The following KRABD4 variants were observed in gnomAD, a reference collection of about 807,000 sequenced individuals.
KRABD4 encodes the protein KRAB domain containing 4.
chrX:46,466,839 T>A, the KRABD4 span, among the ~76,000 whole-genome samples: 1 of 112,380 alleles, frequency 8.9e-6, no homozygotes, highest in African/African-American at 3.2e-5. Flanking sequence ...AATATATAGC[T>A]GTGTAACTAC....
the KRABD4 span, among the ~76,000 whole-genome samples, chrX:46,451,261 G>T: frequency 2.7e-5 from 3 of 111,929 alleles, no homozygotes; most frequent in Non-Finnish European, 5.6e-5. Context: ...TAACAGTTGG[G>T]TTAAATGGTG....
chrX:46,462,278 A>G, the KRABD4 span, among the ~76,000 whole-genome samples: 1 of 111,501 alleles, frequency 9.0e-6, no homozygotes, highest in Non-Finnish European at 1.9e-5. Context: ...TTGGAAGGCT[A>G]AGGCGGGCAG....
At chrX:46,463,474 A>C in the KRABD4 span, 3 of 515,673 alleles carry the variant, frequency 5.8e-6, no homozygotes, top group South Asian at 7.9e-5. Flanking sequence ...CGCCGGTTAC[A>C]GTCTCTGTGT....
chrX:46,465,705 T>C, the KRABD4 span, among the ~76,000 whole-genome samples: 1 of 111,788 alleles, frequency 8.9e-6, no homozygotes, highest in Non-Finnish European at 1.9e-5. Context: ...CTCTAGAAAT[T>C]GTTTCAGAAA....
chrX:46,463,093 A>T, the KRABD4 span: 1 of 966,250 alleles, frequency 1.0e-6, no homozygotes, highest in Non-Finnish European at 1.4e-6. Context: ...TGAGGGGCAG[A>T]TAGCTGTGTG....
the KRABD4 span, chrX:46,472,779 C>A: frequency 1.7e-6 from 2 of 1,210,872 alleles, no homozygotes; most frequent in Non-Finnish European, 2.2e-6. Flanking sequence ...GCAGATAGAT[C>A]ACTACAAGGA....
chrX:46,456,135 A>G, the KRABD4 span: 1 of 271,853 alleles, frequency 3.7e-6, no homozygotes, highest in East Asian at 9.6e-5. Context: ...TTCAGGGGGT[A>G]GTTTTTCAGC....
chrX:46,469,343 C>A, the KRABD4 span, among the ~76,000 whole-genome samples: 135 of 112,165 alleles, frequency 1.2e-3, no homozygotes, highest in Non-Finnish European at 2.0e-3. Flanking sequence ...TATTTCAGTT[C>A]TTTTAAATTT....
the KRABD4 span, chrX:46,473,031 GA>G: frequency 8.3e-7 from 1 of 1,208,719 alleles, no homozygotes; most frequent in African/African-American, 1.8e-5. Context: ...AAGCATATTG[GA>G]AAGTATGCTT....
chrX:46,458,938 C>T, the KRABD4 span, among the ~76,000 whole-genome samples: 1 of 111,555 alleles, frequency 9.0e-6, no homozygotes, highest in African/African-American at 3.3e-5. Flanking sequence ...TACTCTGGAA[C>T]TGTTATGATA....
the KRABD4 span, among the ~76,000 whole-genome samples, chrX:46,457,819 C>T: frequency 9.5e-4 from 104 of 109,595 alleles, no homozygotes; most frequent in African/African-American, 3.2e-3. Flanking sequence ...GTCGGCTCAC[C>T]GCAACCTCCA....
the KRABD4 span, chrX:46,471,288 C>T: frequency 1.1e-6 from 1 of 874,442 alleles, no homozygotes; most frequent in Non-Finnish European, 1.6e-6. Context: ...GTTCTGAAGT[C>T]ATTGTCTGAA....
At chrX:46,453,155 CTT>C in the KRABD4 span, among the ~76,000 whole-genome samples, 2 of 111,621 alleles carry the variant, frequency 1.8e-5, no homozygotes, top group African/African-American at 6.5e-5. Flanking sequence ...GGAGTGGACA[CTT>C]AATGTGTTTT....
the KRABD4 span, chrX:46,455,980 G>A: frequency 3.2e-6 from 1 of 314,652 alleles, no homozygotes. Flanking sequence ...TCCAGAGTTG[G>A]AACAAAACCT....
the KRABD4 span, among the ~76,000 whole-genome samples, chrX:46,452,343 T>G: frequency 1.8e-5 from 2 of 109,183 alleles, no homozygotes; most frequent in African/African-American, 6.7e-5. Context: ...GGTTTCTTAG[T>G]GTGGCACTAT....
chrX:46,455,335 A>G, the KRABD4 span: 6 of 526,647 alleles, frequency 1.1e-5, no homozygotes, highest in Non-Finnish European at 2.0e-5. Flanking sequence ...GTCAATATCT[A>G]TATCATCTAC....
the KRABD4 span, chrX:46,456,972 C>T: frequency 7.5e-6 from 2 of 265,131 alleles, no homozygotes; most frequent in East Asian, 1.4e-4. Flanking sequence ...CTTAATAACC[C>T]ATTCCCTGAG....
At chrX:46,472,710 A>G in the KRABD4 span, 102 of 1,187,308 alleles carry the variant, frequency 8.6e-5, 2 homozygotes, top group Admixed American at 2.3e-3. Context: ...TTCTAGTGGA[A>G]AGACTTAACA....
At chrX:46,462,762 C>T in the KRABD4 span, 1 of 1,211,692 alleles carries the variant, frequency 8.3e-7, no homozygotes, top group Admixed American at 2.2e-5. Flanking sequence ...CATTGACCTT[C>T]AAGGACGTGT....
Sources: gnomAD v4.1 joint callset for allele counts (sites outside exome capture counted in the v4.1 genomes callset) on GRCh38, gnomAD v4.1.1 for gene constraint, MANE v1.5 for transcripts, NCBI Gene and HGNC (gene_info 2026-07-23, HGNC 2026-07-21) for gene names.